The following OPCML variants were observed in gnomAD, a reference collection of about 807,000 sequenced individuals.
OPCML encodes opioid-binding protein/cell adhesion molecule.
Under a neutral mutation model 37.8 loss-of-function variants are expected in OPCML, and 13 were observed. The ratio of observed to expected loss-of-function variants is 0.34; its 90% CI spans 0.22 to 0.55. The LOEUF (loss-of-function observed/expected upper bound fraction) is 0.55, where lower values mean the gene tolerates loss of function less well. Among genes scored for constraint, OPCML ranks in the 20% least tolerant of loss-of-function variants. The pLI, the probability that OPCML is intolerant of heterozygous loss-of-function variation, is 0.91. For synonymous variants in OPCML, 176 were observed against 168.8 expected (o/e 1.04, Z -0.33); for missense variants, 341 against 435.6 (o/e 0.78, Z 1.93).
chr11:133,018,414 CTCT>C (rs1947379392), intron 1 of OPCML, among the ~76,000 whole-genome samples: 1 of 152,012 alleles, frequency 6.6e-6, no homozygotes, highest in Admixed American at 6.5e-5. Flanking sequence ...CTTTCCTTCT[CTCT>C]TTTCTTTTCC....
intron 1 of OPCML, among the ~76,000 whole-genome samples, chr11:133,305,178 G>A (rs969168558): frequency 6.6e-5 from 10 of 152,180 alleles, no homozygotes; most frequent in Non-Finnish European, 1.0e-4. Context: ...GATGTTGTGA[G>A]TATTACATAA....
intron 1 of OPCML, among the ~76,000 whole-genome samples, chr11:133,330,090 C>A (rs1040379017): frequency 6.6e-6 from 1 of 152,186 alleles, no homozygotes. Context: ...AAAAAATGCT[C>A]ATCATCACTG....
At chr11:132,987,422 T>C (rs893521374) in intron 1 of OPCML, among the ~76,000 whole-genome samples, 11 of 151,964 alleles carry the variant, frequency 7.2e-5, no homozygotes, top group Non-Finnish European at 1.6e-4. Flanking sequence ...GGCTGCAATA[T>C]GAAAGAAGAG....
At chr11:132,534,460 A>G (rs773815717) in intron 3 of OPCML, among the ~76,000 whole-genome samples, 22 of 152,336 alleles carry the variant, frequency 1.4e-4, no homozygotes, top group Non-Finnish European at 2.6e-4. Context: ...TACTCTGTAT[A>G]CTGTTTTACT....
intron 1 of OPCML, among the ~76,000 whole-genome samples, chr11:133,333,453 G>A (rs1003241958): frequency 6.6e-6 from 1 of 152,126 alleles, no homozygotes; most frequent in African/African-American, 2.4e-5. Flanking sequence ...GCAGAAGATT[G>A]AAGCTGGACC....
intron 2 of OPCML, among the ~76,000 whole-genome samples, chr11:132,664,375 G>A (rs541799200): frequency 8.2e-4 from 124 of 152,142 alleles, no homozygotes; most frequent in African/African-American, 2.7e-3. Context: ...GAAATGCTGG[G>A]TGGAATTTTA....
At chr11:133,483,648 GTAGA>G (rs200851254) in intron 1 of OPCML, among the ~76,000 whole-genome samples, 3 of 148,540 alleles carry the variant, frequency 2.0e-5, no homozygotes, top group African/African-American at 7.6e-5. Context: ...AATAGATTAG[GTAGA>G]TAGACAGATT....
chr11:133,402,259 AC>A (rs1320727695), intron 1 of OPCML, among the ~76,000 whole-genome samples: 1 of 151,750 alleles, frequency 6.6e-6, no homozygotes, highest in Non-Finnish European at 1.5e-5. Context: ...ATAAAAAAAA[AC>A]CCTTCTGGCA....
intron 1 of OPCML, among the ~76,000 whole-genome samples, chr11:133,046,283 G>A (rs1375122508): frequency 2.0e-5 from 3 of 152,190 alleles, no homozygotes; most frequent in South Asian, 2.1e-4. Context: ...TCTTTGGAAG[G>A]AGGCAGTGTG....
intron 1 of OPCML, among the ~76,000 whole-genome samples, chr11:133,235,872 A>G (rs184242130): frequency 2.0e-4 from 31 of 152,308 alleles, no homozygotes; most frequent in Admixed American, 9.8e-4. Context: ...CTCAACTGTG[A>G]AATGGGAGGG....
At chr11:132,620,363 A>G (rs933124165) in intron 3 of OPCML, among the ~76,000 whole-genome samples, 14 of 152,228 alleles carry the variant, frequency 9.2e-5, no homozygotes, top group African/African-American at 3.4e-4. Flanking sequence ...AATTGGATGG[A>G]TTGGTAATAT....
At chr11:132,913,677 G>A (rs1010340919) in intron 2 of OPCML, among the ~76,000 whole-genome samples, 9 of 152,110 alleles carry the variant, frequency 5.9e-5, no homozygotes, top group African/African-American at 1.7e-4. Context: ...GACTAGAATC[G>A]AAAGCTCTCA....
At chr11:133,059,442 G>A (rs569737297) in intron 1 of OPCML, among the ~76,000 whole-genome samples, 24 of 152,298 alleles carry the variant, frequency 1.6e-4, no homozygotes, top group Middle Eastern at 3.4e-3. Context: ...AAGCAGTGGT[G>A]GGTAAGATGG....
intron 3 of OPCML, among the ~76,000 whole-genome samples, chr11:132,603,633 AC>A (rs1938076646): frequency 6.6e-6 from 1 of 151,998 alleles, no homozygotes; most frequent in Non-Finnish European, 1.5e-5. Context: ...CAGCTTAAAA[AC>A]CTTTTGGTGG....
At chr11:132,426,262 G>A (rs2095977303) in intron 7 of OPCML, among the ~76,000 whole-genome samples, 1 of 152,132 alleles carries the variant, frequency 6.6e-6, no homozygotes, top group Admixed American at 6.6e-5. Context: ...AATGACAAAG[G>A]GATCCATTTG....
intron 3 of OPCML, among the ~76,000 whole-genome samples, chr11:132,572,093 C>G (rs1233531650): frequency 6.6e-6 from 1 of 151,248 alleles, no homozygotes; most frequent in Non-Finnish European, 1.5e-5. Context: ...AAGTATTTAG[C>G]CCATTTTTAA....
At chr11:132,427,619 CA>C (rs1285083045) in intron 7 of OPCML, among the ~76,000 whole-genome samples, 1 of 152,192 alleles carries the variant, frequency 6.6e-6, no homozygotes, top group Non-Finnish European at 1.5e-5. Context: ...ACTACAAAAA[CA>C]AAAGCTTAAG....
chr11:133,528,620 A>G (rs1397750301), intron 1 of OPCML, among the ~76,000 whole-genome samples: 1 of 152,230 alleles, frequency 6.6e-6, no homozygotes, highest in African/African-American at 2.4e-5. Flanking sequence ...TGAAGGAAGA[A>G]GCAGGAAGGT....
chr11:133,484,478 G>A (rs908267533), intron 1 of OPCML, among the ~76,000 whole-genome samples: 3 of 152,080 alleles, frequency 2.0e-5, no homozygotes, highest in Non-Finnish European at 2.9e-5. Flanking sequence ...AGAAGTGACA[G>A]CCAAATCCAC....
Sources: gnomAD v4.1 joint callset for allele counts (sites outside exome capture counted in the v4.1 genomes callset) on GRCh38, gnomAD v4.1.1 for gene constraint, MANE v1.5 for transcripts, NCBI Gene and HGNC (gene_info 2026-07-23, HGNC 2026-07-21) for gene names.